The following CHN2 variants were observed in gnomAD, a reference collection of about 807,000 sequenced individuals.
CHN2 encodes the protein chimerin 2.
In CHN2, 35 loss-of-function variants were observed where a neutral mutation model predicts 56.3. The observed-to-expected ratio is 0.62, with a 90% CI of 0.47 to 0.82. The LOEUF is 0.82. Ranked by LOEUF, CHN2 falls within the 40% of genes least tolerant of loss-of-function variation. CHN2 has a pLI of 0.00. For synonymous variants in CHN2, 210 were observed against 212.8 expected (o/e 0.99, Z 0.12); for missense variants, 491 against 580.5 (o/e 0.85, Z 1.58).
chr7:29,433,413 G>A (rs1782987310), intron 6 of CHN2, among the ~76,000 whole-genome samples: 1 of 152,346 alleles, frequency 6.6e-6, no homozygotes, highest in Middle Eastern at 3.4e-3. Flanking sequence ...TCCTTGTCTT[G>A]ACCATAAGTG....
At chr7:29,337,973 T>C (rs1796751353) in intron 1 of CHN2, among the ~76,000 whole-genome samples, 1 of 152,108 alleles carries the variant, frequency 6.6e-6, no homozygotes, top group Admixed American at 6.5e-5. Context: ...GCTCCCAGTC[T>C]CAGGAGGCTT....
rs1790399771 is a variant in CHN2 at position 29,504,917 on chromosome 7, A to G, written c.991+96A>G. On this transcript the variant is annotated intron_variant, in intron 10 of 12. Transcript: ENST00000222792. Reference sequence around the variant, plus strand: ...ATAGTAGAAATGGGGTTTCAGAACTACTAAGAGTTGTTCTTCAAGAAACGG... The same window carrying G: ...ATAGTAGAAATGGGGTTTCAGAACTGCTAAGAGTTGTTCTTCAAGAAACGG... The G allele has an allele frequency of 4.9e-6, 4 of 809,078 alleles. No homozygotes were observed. In the South Asian group the frequency reaches 6.5e-5, roughly 13 times the overall value. 50.1% of individuals were successfully genotyped at this position (809,078 alleles called of 1,614,324 possible). A position where few individuals can be genotyped will look rare whatever the true frequency, so the allele number is the denominator to read the frequency against.
intron 7 of CHN2, among the ~76,000 whole-genome samples, chr7:29,489,075 A>G (rs1015877884): frequency 3.3e-5 from 5 of 152,224 alleles, no homozygotes; most frequent in African/African-American, 1.2e-4. Context: ...TTCAGCAGCT[A>G]TGAGACAAAT....
At chr7:29,326,746 G>T (rs1461440114) in intron 1 of CHN2, among the ~76,000 whole-genome samples, 1 of 152,136 alleles carries the variant, frequency 6.6e-6, no homozygotes, top group Admixed American at 6.5e-5. Context: ...TAGATATTGA[G>T]CTCCTTGAGA....
chr7:29,294,066 C>T (rs1020845776), intron 1 of CHN2, among the ~76,000 whole-genome samples: 24 of 151,902 alleles, frequency 1.6e-4, no homozygotes, highest in African/African-American at 5.8e-4. Context: ...CGGGGTTTCA[C>T]CGTGTTAGCG....
chr7:29,285,751 C>T (rs1310106813), intron 1 of CHN2, among the ~76,000 whole-genome samples: 3 of 152,198 alleles, frequency 2.0e-5, no homozygotes, highest in Non-Finnish European at 4.4e-5. Context: ...TTGGATGATC[C>T]TGATTATGTC....
At chr7:29,417,975 C>T (rs753786742) in intron 6 of CHN2, among the ~76,000 whole-genome samples, 2 of 152,142 alleles carry the variant, frequency 1.3e-5, no homozygotes, top group Admixed American at 1.3e-4. Flanking sequence ...GCTGGAGAGT[C>T]GCTTCTGAAG....
intron 10 of CHN2, among the ~76,000 whole-genome samples, chr7:29,505,531 C>T (rs1461107587): frequency 6.6e-6 from 1 of 152,174 alleles, no homozygotes; most frequent in Non-Finnish European, 1.5e-5. Context: ...CTCCAGCAAT[C>T]CTGAAATACA....
At chr7:29,238,096 C>T (rs920192718) in intron 1 of CHN2, among the ~76,000 whole-genome samples, 1 of 145,058 alleles carries the variant, frequency 6.9e-6, no homozygotes, top group Non-Finnish European at 1.5e-5. Flanking sequence ...CGGCTTGCTG[C>T]AACCTCCACC....
At chr7:29,423,073 A>C (rs142773443) in intron 6 of CHN2, among the ~76,000 whole-genome samples, 1 of 152,180 alleles carries the variant, frequency 6.6e-6, no homozygotes, top group Non-Finnish European at 1.5e-5. Flanking sequence ...GCGTTATATA[A>C]ATTGCTATAG....
At chr7:29,202,781 T>G (rs1784256054) in intron 1 of CHN2, among the ~76,000 whole-genome samples, 1 of 152,188 alleles carries the variant, frequency 6.6e-6, no homozygotes, top group Non-Finnish European at 1.5e-5. Flanking sequence ...ACCTAGCGCT[T>G]CCTTATTACT....
intron 1 of CHN2, among the ~76,000 whole-genome samples, chr7:29,275,615 T>G (rs1033497075): frequency 1.3e-5 from 2 of 152,240 alleles, no homozygotes; most frequent in Non-Finnish European, 2.9e-5. Context: ...CTGAGCTAAG[T>G]ACTCGGTATG....
chr7:29,152,759 T>C (rs1793775653), intron 2 of CHN2, among the ~76,000 whole-genome samples: 1 of 152,246 alleles, frequency 6.6e-6, no homozygotes, highest in Admixed American at 6.5e-5. Flanking sequence ...TCTCTTTCGG[T>C]GCACCCCATT....
At chr7:29,363,724 A>G (rs1775098683) in intron 2 of CHN2, among the ~76,000 whole-genome samples, 2 of 152,128 alleles carry the variant, frequency 1.3e-5, no homozygotes, top group African/African-American at 4.8e-5. Context: ...ATAGGGTGGA[A>G]TTTTATACAG....
chr7:29,366,691 T>C (rs1799189967), intron 2 of CHN2, among the ~76,000 whole-genome samples: 1 of 152,202 alleles, frequency 6.6e-6, no homozygotes, highest in Non-Finnish European at 1.5e-5. Flanking sequence ...ACTACAGTCA[T>C]CTTTAGGTGA....
chr7:29,217,417 A>G (rs965056277), intron 1 of CHN2, among the ~76,000 whole-genome samples: 1 of 152,216 alleles, frequency 6.6e-6, no homozygotes, highest in Non-Finnish European at 1.5e-5. Context: ...AATGGAAAAG[A>G]GACTGTAAAA....
In CHN2 at chr7:29,438,767, G is replaced by A. The variant is rs771317197; in HGVS notation, c.576+37939G>A. 6.1e-4 allele frequency among the ~76,000 whole-genome samples: 93 copies of A among 152,202 alleles called. 1 individual carries two copies. Among genetic ancestry groups the A allele is most frequent in the Non-Finnish European group, 1.2e-3 (83 of 68,002 alleles). On this transcript the variant is annotated intron_variant, in intron 6 of 12. Coordinates refer to ENST00000222792, the MANE Select transcript of CHN2 (RefSeq NM_004067.4). ...TTCAGGAAATATCCCTTCATATTTT[G>A]TATCTCCCTTTGGAACATTCTGTTT...
chr7:29,225,604 T>C (rs1181058952), intron 1 of CHN2, among the ~76,000 whole-genome samples: 1 of 152,218 alleles, frequency 6.6e-6, no homozygotes, highest in East Asian at 1.9e-4. Context: ...TGCTGTAGTT[T>C]AGCATCGCTC....
intron 6 of CHN2, among the ~76,000 whole-genome samples, chr7:29,470,751 C>T (rs1209775485): frequency 1.3e-5 from 2 of 152,196 alleles, no homozygotes; most frequent in Non-Finnish European, 1.5e-5. Context: ...ATTTCCCAGG[C>T]TCCCCTGAGT....
Sources: gnomAD v4.1 joint callset for allele counts (sites outside exome capture counted in the v4.1 genomes callset) on GRCh38, gnomAD v4.1.1 for gene constraint, MANE v1.5 for transcripts, NCBI Gene and HGNC (gene_info 2026-07-23, HGNC 2026-07-21) for gene names.